The following CNTN6 variants were observed in gnomAD, a reference collection of about 807,000 sequenced individuals.
CNTN6 encodes the protein contactin-6.
A neutral mutation model predicts 122.8 loss-of-function variants in CNTN6; 137 were observed. The ratio of observed to expected loss-of-function variants is 1.12; its 90% CI spans 0.97 to 1.29. The LOEUF (loss-of-function observed/expected upper bound fraction) is 1.29. Among genes scored for constraint, CNTN6 ranks in the 50% most tolerant of loss-of-function variants. The pLI, the probability that CNTN6 is intolerant of heterozygous loss-of-function variation, is 0.00. For missense variants in CNTN6, 1,634 were observed against 1,223.4 expected (o/e 1.34, Z -5.01); for synonymous variants, 570 against 426.0 (o/e 1.34, Z -4.16).
In CNTN6 at chr3:1,227,818, G is replaced by T. The variant is rs374282825; in HGVS notation, c.183G>T (p.Arg61Ser). 9 of 1,610,458 alleles carry T rather than the reference G, an allele frequency of 5.6e-6. No homozygotes were observed. The highest frequency in any genetic ancestry group is 7.6e-6 in the Non-Finnish European group (9 of 1,178,874). The change falls in exon 4 of 23, where the codon AGG becomes AGT. Residue 61 changes from arginine to serine, a missense_variant and splice_region_variant. Physicochemically the swap from Arg to Ser is moderately radical, Grantham distance 110 (BLOSUM62 -1). Coordinates refer to ENST00000446702, the MANE Select transcript of CNTN6 (RefSeq NM_001289080.2). ...AANGYPSPHY[R>S]WKQNGTDIDF... is the part of the protein sequence containing the mutation. Reference sequence around the variant, plus strand: ...CACTTTATTTTTTTTTTCCTTGAAGGTGGAAGCAAAATGGCACAGACATTG... The same window carrying T: ...CACTTTATTTTTTTTTTCCTTGAAGTTGGAAGCAAAATGGCACAGACATTG...
At chr3:1,284,881 A>G (rs570324882) in intron 5 of CNTN6, among the ~76,000 whole-genome samples, 1 of 152,264 alleles carries the variant, frequency 6.6e-6, no homozygotes, top group East Asian at 1.9e-4. Flanking sequence ...GGAGAACGGC[A>G]CTGAGGTCAG....
chr3:1,346,968 C>A (rs533359243), intron 11 of CNTN6, among the ~76,000 whole-genome samples: 1 of 152,286 alleles, frequency 6.6e-6, no homozygotes, highest in South Asian at 2.1e-4. Flanking sequence ...TACCTACCTT[C>A]CCTGACAGTG....
intron 7 of CNTN6, among the ~76,000 whole-genome samples, chr3:1,310,012 T>C (rs566177825): frequency 2.0e-5 from 3 of 152,298 alleles, no homozygotes; most frequent in South Asian, 2.1e-4. Context: ...TAAGCACTTA[T>C]TAGTGCTGGA....
At chr3:1,295,913 G>A (rs2125865772) in intron 6 of CNTN6, 109 bp downstream of exon 6, 1 of 916,134 alleles carries the variant, frequency 1.1e-6, no homozygotes. Flanking sequence ...CAAATTACGA[G>A]TTTAGGTTCA....
intron 5 of CNTN6, among the ~76,000 whole-genome samples, chr3:1,295,171 G>A (rs990007317): frequency 2.6e-5 from 4 of 152,164 alleles, no homozygotes; most frequent in African/African-American, 7.2e-5. Context: ...AAATTTTTAA[G>A]TTAAATTTTT....
intron 19 of CNTN6, among the ~76,000 whole-genome samples, chr3:1,384,229 C>A (rs1451645848): frequency 1.3e-5 from 2 of 152,056 alleles, no homozygotes; most frequent in Non-Finnish European, 2.9e-5. Flanking sequence ...GTTCTTACCA[C>A]AACATCATTT....
At chr3:1,250,494 C>G (rs1476979537) in intron 4 of CNTN6, among the ~76,000 whole-genome samples, 1 of 152,154 alleles carries the variant, frequency 6.6e-6, no homozygotes, top group Non-Finnish European at 1.5e-5. Flanking sequence ...CACAAACACA[C>G]ACTCAAAACA....
chr3:1,373,667 G>A lies in CNTN6; in HGVS notation c.1850G>A (p.Ser617Asn). Residue 617 changes from serine to asparagine, a missense_variant, in exon 15 of 23, where the codon AGT (serine) becomes AAT (asparagine). Coordinates refer to ENST00000446702, the MANE Select transcript of CNTN6 (RefSeq NM_001289080.2). ...ATTTCCAGTACTACTTCTCAACTAA[G>A]TTGGAGAGCAGGCCCAGATAATAAC... ...EDISSTTSQLSWRAGPDNNSP... is the reference protein window; with the variant it reads ...EDISSTTSQLNWRAGPDNNSP... 1 of 1,612,998 alleles carries A rather than the reference G, an allele frequency of 6.2e-7. No individual in the cohort carries two copies. Among genetic ancestry groups the A allele is most frequent in the Non-Finnish European group, 8.5e-7 (1 of 1,179,314 alleles).
intron 16 of CNTN6, 29 bp from the exon 17 acceptor site, chr3:1,376,976 C>T (rs199976452): frequency 2.0e-6 from 3 of 1,464,480 alleles, no homozygotes; most frequent in East Asian, 2.3e-5. Flanking sequence ...TAATAATTGC[C>T]ATCCCACATT....
chr3:1,322,118 A>G (rs1251948958), intron 8 of CNTN6, among the ~76,000 whole-genome samples: 2 of 151,768 alleles, frequency 1.3e-5, no homozygotes, highest in African/African-American at 4.8e-5. Flanking sequence ...AAAAGGAAGC[A>G]TGAACTCCAT....
chr3:1,256,670 C>A (rs2094764527), intron 4 of CNTN6, among the ~76,000 whole-genome samples: 1 of 151,860 alleles, frequency 6.6e-6, no homozygotes, highest in South Asian at 2.1e-4. Context: ...GAAAAGAAGA[C>A]AAAAAATAAA....
intron 7 of CNTN6, among the ~76,000 whole-genome samples, chr3:1,311,295 A>C (rs1384513141): frequency 6.9e-6 from 1 of 145,238 alleles, no homozygotes; most frequent in Non-Finnish European, 1.5e-5. Flanking sequence ...ATATATACAT[A>C]TACGTATATG....
rs929115162 is a variant in CNTN6 at position 1,102,586 on chromosome 3, G to A, written c.-83+9466G>A. Among the ~76,000 whole-genome samples the A allele has an allele frequency of 5.6e-4, 81 of 145,698 alleles. 2 individuals are homozygous for A. The highest frequency in any genetic ancestry group is 1.7e-3 in the African/African-American group (64 of 37,808). On this transcript the variant is annotated intron_variant, in intron 1 of 22. Coordinates refer to ENST00000446702, the MANE Select transcript of CNTN6 (RefSeq NM_001289080.2). ...TCTACTAAAAATACAAAAATGAGCCGGGCGTGGTGGCGGCGCCTGTAGTCC... is the reference window on the plus strand; with the variant it reads ...TCTACTAAAAATACAAAAATGAGCCAGGCGTGGTGGCGGCGCCTGTAGTCC...
At chr3:1,115,655 G>A (rs995405760) in intron 1 of CNTN6, among the ~76,000 whole-genome samples, 7 of 152,158 alleles carry the variant, frequency 4.6e-5, no homozygotes, top group Non-Finnish European at 8.8e-5. Flanking sequence ...AGGAGGCTGA[G>A]GCAGGAGAAT....
At chr3:1,257,519 G>C (rs973769945) in intron 4 of CNTN6, among the ~76,000 whole-genome samples, 1 of 152,014 alleles carries the variant, frequency 6.6e-6, no homozygotes, top group Non-Finnish European at 1.5e-5. Context: ...TAATGAGCCT[G>C]AGGTAAACAC....
At chr3:1,114,396 G>C (rs1030714233) in intron 1 of CNTN6, among the ~76,000 whole-genome samples, 1 of 152,184 alleles carries the variant, frequency 6.6e-6, no homozygotes, top group African/African-American at 2.4e-5. Flanking sequence ...TGGCAGAAAA[G>C]TAAAGAGATG....
chr3:1,384,796 T>TACACACAC (rs1168789647), intron 19 of CNTN6, among the ~76,000 whole-genome samples: 7 of 133,788 alleles, frequency 5.2e-5, no homozygotes, highest in African/African-American at 1.7e-4. Flanking sequence ...TATATATATA[T>TACACACAC]ACACACACAC....
At chr3:1,287,611 C>T (rs1044347797) in intron 5 of CNTN6, among the ~76,000 whole-genome samples, 25 of 152,000 alleles carry the variant, frequency 1.6e-4, no homozygotes, top group African/African-American at 5.8e-4. Context: ...AAGTACAAGT[C>T]AAAAAGAGCC....
At chr3:1,227,075 A>G (rs1163130205) in intron 3 of CNTN6, among the ~76,000 whole-genome samples, 2 of 152,206 alleles carry the variant, frequency 1.3e-5, no homozygotes, top group Non-Finnish European at 2.9e-5. Flanking sequence ...ATGACCAAAT[A>G]AAATTTCTAA....
Sources: gnomAD v4.1 joint callset for allele counts (sites outside exome capture counted in the v4.1 genomes callset) on GRCh38, gnomAD v4.1.1 for gene constraint, MANE v1.5 for transcripts, NCBI Gene and HGNC (gene_info 2026-07-23, HGNC 2026-07-21) for gene names.